MARK1: variants seen among roughly 807,000 people sequenced by gnomAD.
The protein encoded by MARK1 is microtubule affinity regulating kinase 1.
In MARK1, 40 loss-of-function variants were observed where a neutral mutation model predicts 96.3. The observed-to-expected ratio is 0.42, with a 90% CI of 0.32 to 0.54. MARK1 has a LOEUF of 0.54. Among genes scored for constraint, MARK1 ranks in the 20% least tolerant of loss-of-function variants. MARK1 has a pLI of 0.16. For missense variants in MARK1, 719 were observed against 984.6 expected (o/e 0.73, Z 3.61); for synonymous variants, 317 against 341.2 (o/e 0.93, Z 0.78).
At chr1:220,545,619 G>A (rs372070429) in intron 1 of MARK1, among the ~76,000 whole-genome samples, 2 of 151,510 alleles carry the variant, frequency 1.3e-5, no homozygotes, top group Admixed American at 1.3e-4. Context: ...GTATTTTTTC[G>A]TAGAAATGGG....
intron 13 of MARK1, among the ~76,000 whole-genome samples, chr1:220,638,153 TGCCTTAGAG>T (rs1345192749): frequency 6.6e-6 from 1 of 152,020 alleles, no homozygotes; most frequent in African/African-American, 2.4e-5. Flanking sequence ...AGCCACTATT[TGCCTTAGAG>T]GACAGTTTCC....
rs1490778827 is a variant in MARK1 at position 220,663,895 on chromosome 1, C to T, written c.*1729C>T. ...GGTGCACACTGAAATTTTACTTGAA[C>T]AGTTCTCATAATAAAGCACTTGTCT... On this transcript the variant is annotated 3_prime_UTR_variant, in exon 18 of 18. Coordinates refer to ENST00000366917, the MANE Select transcript of MARK1 (RefSeq NM_018650.5). The T allele has an allele frequency of 6.6e-6, 1 of 152,452 alleles. No individual in the cohort carries two copies. The highest frequency in any genetic ancestry group is 1.5e-5 in the Non-Finnish European group (1 of 67,990). The allele number at this position is 152,452 out of a possible 1,614,324, so 9.4% of individuals were successfully genotyped here.
intron 10 of MARK1, 134 bp downstream of exon 10, chr1:220,631,268 T>C: frequency 1.9e-6 from 1 of 531,352 alleles, no homozygotes; most frequent in Non-Finnish European, 3.4e-6. Flanking sequence ...GTCATTTTAA[T>C]GATAATATGC....
At chr1:220,542,830 C>A (rs1661237108) in intron 1 of MARK1, among the ~76,000 whole-genome samples, 1 of 152,082 alleles carries the variant, frequency 6.6e-6, no homozygotes, top group Non-Finnish European at 1.5e-5. Context: ...ATGCCTACTG[C>A]ACTGTAGAAA....
intron 6 of MARK1, among the ~76,000 whole-genome samples, chr1:220,607,057 A>G (rs1251970270): frequency 6.6e-6 from 1 of 152,146 alleles, no homozygotes; most frequent in African/African-American, 2.4e-5. Context: ...AATTCTGTGA[A>G]GAAAGTTATT....
intron 1 of MARK1, among the ~76,000 whole-genome samples, chr1:220,537,931 GTTGT>G (rs1187797367): frequency 6.6e-6 from 1 of 151,968 alleles, no homozygotes; most frequent in Non-Finnish European, 1.5e-5. Context: ...TTTTGATGGG[GTTGT>G]TTGTTTTTTT....
intron 1 of MARK1, among the ~76,000 whole-genome samples, chr1:220,555,177 T>C (rs1183277370): frequency 6.6e-6 from 1 of 152,212 alleles, no homozygotes; most frequent in Non-Finnish European, 1.5e-5. Context: ...CTGCTTTGAT[T>C]GGTGGATCAC....
chr1:220,538,031 T>C (rs979110956), intron 1 of MARK1, among the ~76,000 whole-genome samples: 4 of 152,162 alleles, frequency 2.6e-5, no homozygotes, highest in Non-Finnish European at 5.9e-5. Flanking sequence ...GTAGGTTACC[T>C]GTTTACTCTG....
In MARK1 at chr1:220,607,633, A is replaced by G. The variant is rs921802208; in HGVS notation, c.495+3496A>G. On this transcript the variant is annotated intron_variant, in intron 6 of 17. Coordinates refer to ENST00000366917, the MANE Select transcript of MARK1 (RefSeq NM_018650.5). ...AAGGGAATGCTTCCAGTTTTTGCCC[A>G]TTGAGTATGGGGAATGCTTCCAGTT... Among the ~76,000 whole-genome samples, 5 of 151,880 alleles carry G rather than the reference A, an allele frequency of 3.3e-5. 1 individual carries two copies. Among genetic ancestry groups the G allele is most frequent in the African/African-American group, 7.3e-5 (3 of 41,268 alleles).
At chr1:220,607,257 C>T (rs2102932693) in intron 6 of MARK1, among the ~76,000 whole-genome samples, 1 of 152,152 alleles carries the variant, frequency 6.6e-6, no homozygotes, top group African/African-American at 2.4e-5. Flanking sequence ...AAGTTGGATT[C>T]CTAGGTATTT....
chr1:220,549,552 G>A (rs1268934464), intron 1 of MARK1, among the ~76,000 whole-genome samples: 1 of 152,134 alleles, frequency 6.6e-6, no homozygotes, highest in Non-Finnish European at 1.5e-5. Flanking sequence ...TACAACATGA[G>A]GTCTTTCTGT....
At chr1:220,571,200 A>C (rs1460325701) in intron 1 of MARK1, among the ~76,000 whole-genome samples, 1 of 152,218 alleles carries the variant, frequency 6.6e-6, no homozygotes, top group Admixed American at 6.5e-5. Context: ...TAACAATAGA[A>C]GATAACATAT....
chr1:220,585,256 G>A (rs1664518717), intron 3 of MARK1, among the ~76,000 whole-genome samples: 1 of 152,040 alleles, frequency 6.6e-6, no homozygotes, highest in South Asian at 2.1e-4. Flanking sequence ...ATTTGGTTTT[G>A]GACAAAGTAC....
intron 1 of MARK1, among the ~76,000 whole-genome samples, chr1:220,540,088 T>A (rs1053869980): frequency 2.0e-5 from 3 of 152,222 alleles, no homozygotes; most frequent in African/African-American, 7.2e-5. Flanking sequence ...TATTTTTTCA[T>A]AACTTAGTTT....
intron 6 of MARK1, 99 bp from the exon 7 acceptor site, chr1:220,615,840 T>A: frequency 1.5e-6 from 1 of 662,728 alleles, no homozygotes; most frequent in Non-Finnish European, 2.7e-6. Flanking sequence ...AATATTACCT[T>A]GAAATCCGAA....
At chr1:220,608,391 A>G (rs1481038847) in intron 6 of MARK1, among the ~76,000 whole-genome samples, 3 of 152,180 alleles carry the variant, frequency 2.0e-5, no homozygotes, top group Non-Finnish European at 2.9e-5. Context: ...CTGTGGGATC[A>G]ATGGTGATAT....
chr1:220,599,102 C>T (rs965512829), intron 4 of MARK1, among the ~76,000 whole-genome samples: 2 of 151,960 alleles, frequency 1.3e-5, no homozygotes, highest in African/African-American at 2.4e-5. Flanking sequence ...AATAACTTTG[C>T]GTTTTAAAGA....
chr1:220,610,761 G>C (rs181906886), intron 6 of MARK1, among the ~76,000 whole-genome samples: 2 of 152,260 alleles, frequency 1.3e-5, no homozygotes, highest in African/African-American at 2.4e-5. Context: ...TTTGGTTGAT[G>C]TTGATGCTAT....
rs538806681 is a variant in MARK1 at position 220,528,964 on chromosome 1, C to T, written c.51+91C>T. On this transcript the variant is annotated intron_variant, in intron 1 of 17. Transcript: ENST00000366917. The stretch of plus-strand genomic sequence containing the variant: ...CGCGCTTGGGCCGTCCCCCGTGCCT[C>T]GGCGCGGCCACCCGCGGCAGGGTCT... 3.6e-5 allele frequency: 48 copies of T among 1,337,814 alleles called. No individual in the cohort carries two copies. The African/African-American group carries it at 6.5e-4, about 18-fold the overall frequency. 82.9% of individuals were successfully genotyped at this position (1,337,814 alleles called of 1,614,324 possible).
Sources: allele counts gnomAD v4.1 joint callset (sites outside exome capture counted in the v4.1 genomes callset), GRCh38; gene constraint gnomAD v4.1.1; transcripts MANE v1.5; gene names NCBI Gene and HGNC (gene_info 2026-07-23, HGNC 2026-07-21).